The following KLHL24 variants were observed in gnomAD, a reference collection of about 807,000 sequenced individuals.
The protein encoded by KLHL24 is kelch-like protein 24.
Under a neutral mutation model 53.4 loss-of-function variants are expected in KLHL24, and 29 were observed. The ratio of observed to expected loss-of-function variants is 0.54; its 90% CI spans 0.40 to 0.74. KLHL24 has a LOEUF of 0.74. Ranked by LOEUF, KLHL24 falls within the 30% of genes least tolerant of loss-of-function variation. The pLI, the probability that KLHL24 is intolerant of heterozygous loss-of-function variation, is 0.00. For synonymous variants in KLHL24, 222 were observed against 253.7 expected (o/e 0.88, Z 1.19); for missense variants, 504 against 744.0 (o/e 0.68, Z 3.75).
At chr3:183,673,721 T>C (rs1721684502) in intron 7 of KLHL24, among the ~76,000 whole-genome samples, 1 of 152,184 alleles carries the variant, frequency 6.6e-6, no homozygotes, top group South Asian at 2.1e-4. Context: ...AGAGATGTAC[T>C]CTCAAAGGTC....
At chr3:183,655,748 C>A (rs1718763397) in intron 3 of KLHL24, among the ~76,000 whole-genome samples, 1 of 152,030 alleles carries the variant, frequency 6.6e-6, no homozygotes, top group Non-Finnish European at 1.5e-5. Flanking sequence ...CATGGTGAAA[C>A]CCCATCTCTA....
rs531725167 is a variant in KLHL24 at position 183,676,027 on chromosome 3, G to A, written c.1603-3059G>A. On this transcript the variant is annotated intron_variant, in intron 7 of 7. Transcript: ENST00000242810. ...GAAATTTAAAGAAAATAAACATTTGGATCAGAAGTATATTAAGTCTAACAA... is the reference window on the plus strand; with the variant it reads ...GAAATTTAAAGAAAATAAACATTTGAATCAGAAGTATATTAAGTCTAACAA... Among the ~76,000 whole-genome samples, 8 of 152,234 alleles carry A rather than the reference G, an allele frequency of 5.3e-5. No homozygotes were observed. The South Asian group carries it at 1.7e-3, about 32-fold the overall frequency.
intron 3 of KLHL24, among the ~76,000 whole-genome samples, chr3:183,651,488 A>G (rs546349623): frequency 9.9e-5 from 15 of 152,166 alleles, no homozygotes; most frequent in Non-Finnish European, 1.3e-4. Flanking sequence ...GTTTTGTGCT[A>G]TCAAACAGTG....
In KLHL24 at chr3:183,663,467, C is replaced by T. The variant is rs866575739; in HGVS notation, c.930C>T (p.Gly310=). The change falls in exon 4 of 8, where the codon GGC becomes GGT. Residue 310 remains glycine, a synonymous_variant. Coordinates refer to ENST00000242810, the MANE Select transcript of KLHL24 (RefSeq NM_017644.3). The surrounding 1 kb of genome is among the most constrained non-coding windows in gnomAD (Gnocchi z 4.9). ...SPRTRPRRST[G]YSEVIVVVGG... ...ATAATTATTATTTTAGGTCCACTGG[C>T]TATTCTGAGGTGATAGTTGTCGTTG... 1 of 1,488,028 alleles carries T rather than the reference C, an allele frequency of 6.7e-7. No individual in the cohort carries two copies. The highest frequency in any genetic ancestry group is 9.0e-7 in the Non-Finnish European group (1 of 1,107,252). The allele number at this position is 1,488,028 out of a possible 1,614,324, so 92.2% of individuals were successfully genotyped here.
At chr3:183,651,827 T>A (rs1718164547) in intron 3 of KLHL24, among the ~76,000 whole-genome samples, 1 of 152,052 alleles carries the variant, frequency 6.6e-6, no homozygotes, top group Non-Finnish European at 1.5e-5. Context: ...CACGGACCTG[T>A]AGTCCCAGTT....
chr3:183,650,910 C>T lies in KLHL24; in HGVS notation c.554C>T (p.Thr185Ile). Reference protein sequence around the residue: ...ADTHSLKTLFTKCKNFALQTF... With the variant: ...ADTHSLKTLFIKCKNFALQTF... ...ACCCATTCACTCAAAACACTCTTCA[C>T]AAAATGCAAAAATTTTGCGTTACAG... The change falls in exon 3 of 8, where the codon ACA becomes ATA. Residue 185 changes from threonine (T) to isoleucine (I), a missense_variant. Physicochemically the swap from Thr to Ile is moderately conservative, Grantham distance 89. Coordinates refer to ENST00000242810, the MANE Select transcript of KLHL24 (RefSeq NM_017644.3). This position sits in a 1 kb window ranked among gnomAD's most constrained non-coding sequence, Gnocchi z 4.5. The T allele has an allele frequency of 6.2e-7, 1 of 1,614,204 alleles. No homozygotes were observed. Among genetic ancestry groups the T allele is most frequent in the Non-Finnish European group, 8.5e-7 (1 of 1,180,038 alleles).
At chr3:183,679,038 C>A (rs748152884) in intron 7 of KLHL24, 48 bp from the exon 8 acceptor site, 2 of 1,457,828 alleles carry the variant, frequency 1.4e-6, no homozygotes, top group African/African-American at 1.4e-5. Context: ...GTTACCAAAT[C>A]CTTTATCTTC....
intron 3 of KLHL24, among the ~76,000 whole-genome samples, chr3:183,662,325 G>A (rs1486142539): frequency 6.6e-6 from 1 of 152,074 alleles, no homozygotes; most frequent in East Asian, 1.9e-4. Flanking sequence ...AATATTGCTT[G>A]TTTTTTCCTA....
intron 7 of KLHL24, among the ~76,000 whole-genome samples, chr3:183,674,208 C>CT (rs2108886336): frequency 6.6e-6 from 1 of 152,078 alleles, no homozygotes; most frequent in South Asian, 2.1e-4. Flanking sequence ...CTTCCTTTCT[C>CT]TAATAGCTTG....
At chr3:183,640,137 G>A (rs1459187592) in intron 1 of KLHL24, among the ~76,000 whole-genome samples, 2 of 152,184 alleles carry the variant, frequency 1.3e-5, no homozygotes, top group East Asian at 3.8e-4. Context: ...AAAGAAACAT[G>A]TTAGCAAGAT....
chr3:183,653,056 T>G (rs1442179141), intron 3 of KLHL24, among the ~76,000 whole-genome samples: 2 of 151,948 alleles, frequency 1.3e-5, no homozygotes, highest in Non-Finnish European at 2.9e-5. Flanking sequence ...CCTAACTTAC[T>G]TAATTATTTG....
At chr3:183,656,439 T>C (rs1718908792) in intron 3 of KLHL24, among the ~76,000 whole-genome samples, 1 of 152,212 alleles carries the variant, frequency 6.6e-6, no homozygotes, top group Non-Finnish European at 1.5e-5. Context: ...TTAATATTAG[T>C]ATGGAAAACA....
rs74933849 is a variant in KLHL24, at chr3:183,678,244, C to T, written c.1603-842C>T. Among the ~76,000 whole-genome samples, 565 of 152,244 alleles carry T rather than the reference C, an allele frequency of 3.7e-3. 12 individuals are homozygous for T. The highest frequency in any genetic ancestry group is 0.034 in the East Asian group (178 of 5,182). ...ATGTTATTTGAGACATTTCTATGGCCCAGCCAAGGCTCCTAATAACAGTGT... is the reference window on the plus strand; with the variant it reads ...ATGTTATTTGAGACATTTCTATGGCTCAGCCAAGGCTCCTAATAACAGTGT... On this transcript the variant is annotated intron_variant, in intron 7 of 7. Transcript: ENST00000242810.
At chr3:183,646,361 CAAAAAAAAAAA>C (rs35945634) in intron 2 of KLHL24, among the ~76,000 whole-genome samples, 5 of 66,768 alleles carry the variant, frequency 7.5e-5, no homozygotes, top group African/African-American at 2.6e-4. Context: ...GACTCCATCT[CAAAAAAAAAAA>C]AAAAAAAAAA....
rs556337215 is a variant in KLHL24 at position 183,654,449 on chromosome 3, C to A, written c.920+3173C>A. 1.3e-4 allele frequency among the ~76,000 whole-genome samples: 19 copies of A among 151,960 alleles called. No individual in the cohort carries two copies. The South Asian group carries it at 3.9e-3, about 32-fold the overall frequency. On this transcript the variant is annotated intron_variant, in intron 3 of 7. Coordinates refer to ENST00000242810, the MANE Select transcript of KLHL24 (RefSeq NM_017644.3). ...CTCTTTCATTCATTCATTTATATTT[C>A]TTTTTCAAATTTTATATATCTTATT...
intron 5 of KLHL24, among the ~76,000 whole-genome samples, chr3:183,668,228 A>C (rs1360462663): frequency 6.6e-6 from 1 of 152,060 alleles, no homozygotes; most frequent in Admixed American, 6.6e-5. Context: ...TATTACTGGA[A>C]AAGAGGGGCT....
chr3:183,674,849 A>G (rs1404409123), intron 7 of KLHL24, among the ~76,000 whole-genome samples: 1 of 152,170 alleles, frequency 6.6e-6, no homozygotes, highest in Non-Finnish European at 1.5e-5. Context: ...TAAACAGATC[A>G]TAAATGTTCT....
At chr3:183,664,792 G>A (rs1720290156) in intron 4 of KLHL24, 129 bp from the exon 5 acceptor site, 1 of 513,080 alleles carries the variant, frequency 1.9e-6, no homozygotes, top group South Asian at 4.7e-5. Context: ...TTATTGAGCT[G>A]AATTCTCAAA....
chr3:183,670,218 T>C (rs1040427261), intron 5 of KLHL24, among the ~76,000 whole-genome samples: 2 of 152,056 alleles, frequency 1.3e-5, no homozygotes, highest in South Asian at 4.1e-4. Flanking sequence ...TGAGCTGTGA[T>C]CATGCCACTG....
Sources: allele counts gnomAD v4.1 joint callset (sites outside exome capture counted in the v4.1 genomes callset), GRCh38; gene constraint gnomAD v4.1.1; non-coding constraint Gnocchi (gnomAD v3.1); transcripts MANE v1.5; gene names NCBI Gene and HGNC (gene_info 2026-07-23, HGNC 2026-07-21).